NKAIN3: variants seen among roughly 807,000 people sequenced by gnomAD.
NKAIN3 encodes the protein sodium/potassium transporting ATPase interacting 3, also known as sodium/potassium-transporting ATPase subunit beta-1-interacting protein 3.
Under a neutral mutation model 30.2 loss-of-function variants are expected in NKAIN3, and 25 were observed. The ratio of observed to expected loss-of-function variants is 0.83; its 90% CI spans 0.60 to 1.16. The LOEUF (loss-of-function observed/expected upper bound fraction) is 1.16, where lower values mean the gene tolerates loss of function less well. NKAIN3 is among the 50% of genes most tolerant of loss of function. NKAIN3 has a pLI of 0.00. For missense variants in NKAIN3, 225 were observed against 254.1 expected (o/e 0.89, Z 0.78); for synonymous variants, 91 against 89.6 (o/e 1.02, Z -0.09).
chr8:62,335,089 G>A (rs1330161917), intron 1 of NKAIN3, among the ~76,000 whole-genome samples: 2 of 152,034 alleles, frequency 1.3e-5, no homozygotes, highest in Admixed American at 1.3e-4. Flanking sequence ...TCTGTGGAAA[G>A]ACTATTGTTC....
At chr8:62,902,275 C>A (rs1821636281) in intron 4 of NKAIN3, among the ~76,000 whole-genome samples, 1 of 152,132 alleles carries the variant, frequency 6.6e-6, no homozygotes, top group African/African-American at 2.4e-5. Flanking sequence ...CTCTAGTAAG[C>A]CAGAAACCAG....
chr8:62,488,440 C>T (rs1448947194), intron 1 of NKAIN3, among the ~76,000 whole-genome samples: 1 of 152,176 alleles, frequency 6.6e-6, no homozygotes, highest in African/African-American at 2.4e-5. Context: ...TTCATTGCCC[C>T]ATCCCTAATA....
intron 1 of NKAIN3, among the ~76,000 whole-genome samples, chr8:62,287,521 A>G (rs1331491441): frequency 1.3e-5 from 2 of 152,076 alleles, no homozygotes; most frequent in African/African-American, 4.8e-5. Context: ...ATAGGTTTCT[A>G]TTTCTCAGCT....
chr8:62,394,740 G>A lies in NKAIN3; in HGVS notation c.54+145613G>A, dbSNP rs905596707. On this transcript the variant is annotated intron_variant, in intron 1 of 6. Transcript: ENST00000623646. ...CAGAGGTGCTCATCACTTCCCAGAC[G>A]GGGTGGCGGCTGGGCAGAGGCGCTC... 1.1e-4 allele frequency among the ~76,000 whole-genome samples: 16 copies of A among 151,150 alleles called. No individual in the cohort carries two copies. The East Asian group carries it at 2.2e-3, about 21-fold the overall frequency.
chr8:62,648,933 CG>C (rs1219672064), intron 3 of NKAIN3, among the ~76,000 whole-genome samples: 3 of 152,026 alleles, frequency 2.0e-5, no homozygotes, highest in Non-Finnish European at 4.4e-5. Flanking sequence ...CAATGGCATC[CG>C]GAGCTGGAAT....
At chr8:62,404,073 T>G (rs1208345399) in intron 1 of NKAIN3, among the ~76,000 whole-genome samples, 1 of 152,250 alleles carries the variant, frequency 6.6e-6, no homozygotes, top group African/African-American at 2.4e-5. Context: ...TGTACTGTTT[T>G]GGACTCACAT....
At chr8:62,257,677 C>T (rs902398932) in intron 1 of NKAIN3, among the ~76,000 whole-genome samples, 3 of 152,218 alleles carry the variant, frequency 2.0e-5, no homozygotes, top group South Asian at 2.1e-4. Flanking sequence ...ATGAACAACA[C>T]ATATTCATAC....
At chr8:62,909,975 C>A (rs1412823018) in intron 4 of NKAIN3, among the ~76,000 whole-genome samples, 2 of 152,172 alleles carry the variant, frequency 1.3e-5, no homozygotes, top group Non-Finnish European at 1.5e-5. Flanking sequence ...ATAGTTAGAT[C>A]TGACAAATTT....
At chr8:62,306,037 C>A (rs941794008) in intron 1 of NKAIN3, among the ~76,000 whole-genome samples, 1 of 150,294 alleles carries the variant, frequency 6.7e-6, no homozygotes, top group African/African-American at 2.5e-5. Context: ...ATTAATGTTT[C>A]TCTAGGAATT....
intron 5 of NKAIN3, chr8:62,990,041 C>T: frequency 1.8e-6 from 1 of 555,918 alleles, no homozygotes; most frequent in South Asian, 2.6e-5. Flanking sequence ...AATGTTTAGA[C>T]TTGATTTCAG....
chr8:62,498,341 T>C (rs113126105), intron 1 of NKAIN3, among the ~76,000 whole-genome samples: 3,513 of 152,056 alleles, frequency 0.023, 131 homozygotes, highest in African/African-American at 0.08. Flanking sequence ...AAATTTAAGG[T>C]TTTAAATTTG....
chr8:62,880,865 G>T (rs1041711640), intron 4 of NKAIN3, among the ~76,000 whole-genome samples: 1 of 152,062 alleles, frequency 6.6e-6, no homozygotes, highest in South Asian at 2.1e-4. Flanking sequence ...TTTTAAATTT[G>T]ATTAAAGAGC....
Position 62,851,092 on chromosome 8 carries a change from G to A in NKAIN3, c.472-67361G>A, listed in dbSNP as rs531774213. Among the ~76,000 whole-genome samples the A allele has an allele frequency of 2.3e-3, 344 of 152,134 alleles. 3 individuals carry two copies. The highest frequency in any genetic ancestry group is 7.7e-3 in the African/African-American group (318 of 41,492). On this transcript the variant is annotated intron_variant, in intron 4 of 6. Transcript: ENST00000623646. ...ATTGATTCTTCCTACCCATGAGCATGGAATGTTCTTCCATTTGCTTGTATC... is the reference window on the plus strand; with the variant it reads ...ATTGATTCTTCCTACCCATGAGCATAGAATGTTCTTCCATTTGCTTGTATC...
At chr8:62,895,531 A>G (rs562930164) in intron 4 of NKAIN3, among the ~76,000 whole-genome samples, 1 of 152,330 alleles carries the variant, frequency 6.6e-6, no homozygotes, top group East Asian at 1.9e-4. Flanking sequence ...GAGAAGCAGT[A>G]TGCACATTTA....
intron 1 of NKAIN3, among the ~76,000 whole-genome samples, chr8:62,306,823 T>G (rs540406773): frequency 6.7e-6 from 1 of 149,538 alleles, no homozygotes; most frequent in Admixed American, 6.6e-5. Flanking sequence ...TTTGAAATGA[T>G]ATAACAAACT....
At chr8:62,490,298 A>T (rs970434823) in intron 1 of NKAIN3, among the ~76,000 whole-genome samples, 1 of 152,162 alleles carries the variant, frequency 6.6e-6, no homozygotes, top group Non-Finnish European at 1.5e-5. Context: ...GCCCATGCCC[A>T]TGGGTCCTAA....
intron 4 of NKAIN3, among the ~76,000 whole-genome samples, chr8:62,819,910 A>C (rs1818801642): frequency 6.6e-6 from 1 of 152,156 alleles, no homozygotes; most frequent in Non-Finnish European, 1.5e-5. Flanking sequence ...AAAATATAAA[A>C]TGTTTGGAGC....
intron 1 of NKAIN3, among the ~76,000 whole-genome samples, chr8:62,450,779 C>A (rs1736787308): frequency 6.6e-6 from 1 of 152,142 alleles, no homozygotes; most frequent in South Asian, 2.1e-4. Context: ...AATGTAGAAA[C>A]TGGATCCCTG....
intron 4 of NKAIN3, among the ~76,000 whole-genome samples, chr8:62,821,117 A>G (rs977358109): frequency 2.0e-5 from 3 of 152,128 alleles, no homozygotes; most frequent in Non-Finnish European, 4.4e-5. Context: ...GGTAAGAATG[A>G]TACCAATAAT....
Sources: gnomAD v4.1 joint callset for allele counts (sites outside exome capture counted in the v4.1 genomes callset) on GRCh38, gnomAD v4.1.1 for gene constraint, MANE v1.5 for transcripts, NCBI Gene and HGNC (gene_info 2026-07-23, HGNC 2026-07-21) for gene names.